MALRD1: variants seen among roughly 807,000 people sequenced by gnomAD.
MALRD1 encodes MAM and LDL receptor class A domain containing 1, also known as MAM and LDL-receptor class A domain-containing protein 1.
Under a neutral mutation model 242.1 loss-of-function variants are expected in MALRD1, and 247 were observed. The observed-to-expected ratio is 1.02, with a 90% CI of 0.92 to 1.13. The LOEUF is 1.13. Among genes scored for constraint, MALRD1 ranks in the 50% most tolerant of loss-of-function variants. MALRD1 has a pLI of 0.00. For missense variants in MALRD1, 2,989 were observed against 2,533.1 expected, an observed-to-expected ratio of 1.18 and a Z score of -3.86; for synonymous variants, 995 against 866.6, an observed-to-expected ratio of 1.15 and a Z score of -2.60.
At chr10:19,321,428 A>T (rs549309189) in intron 21 of MALRD1, among the ~76,000 whole-genome samples, 1 of 152,234 alleles carries the variant, frequency 6.6e-6, no homozygotes, top group African/African-American at 2.4e-5. Context: ...GGAGACAGAG[A>T]TAAGTTATGT....
intron 11 of MALRD1, among the ~76,000 whole-genome samples, chr10:19,153,561 G>A (rs1224086074): frequency 2.0e-5 from 3 of 152,014 alleles, no homozygotes; most frequent in African/African-American, 7.2e-5. Flanking sequence ...GTATGTGGTA[G>A]TGTGCTCCTG....
chr10:19,604,634 C>A (rs1838520665), intron 34 of MALRD1, among the ~76,000 whole-genome samples: 1 of 152,162 alleles, frequency 6.6e-6, no homozygotes, highest in African/African-American at 2.4e-5. Flanking sequence ...CTGCACTGAA[C>A]AACGGATTTT....
intron 28 of MALRD1, among the ~76,000 whole-genome samples, chr10:19,426,618 A>G (rs550137589): frequency 9.2e-5 from 14 of 152,260 alleles, no homozygotes; most frequent in African/African-American, 3.1e-4. Flanking sequence ...CCTGGCCAAC[A>G]TGGTAAAACC....
intron 33 of MALRD1, among the ~76,000 whole-genome samples, chr10:19,575,284 G>A (rs1363326848): frequency 6.6e-6 from 1 of 152,102 alleles, no homozygotes; most frequent in Non-Finnish European, 1.5e-5. Flanking sequence ...TGTGGCATTT[G>A]CCTATTTCTT....
intron 28 of MALRD1, among the ~76,000 whole-genome samples, chr10:19,391,707 A>G (rs913775795): frequency 3.3e-5 from 5 of 152,142 alleles, no homozygotes; most frequent in East Asian, 1.9e-4. Flanking sequence ...GCCTCCCACA[A>G]TGATTCCTTT....
chr10:19,064,087 G>C (rs1425979120), intron 1 of MALRD1, among the ~76,000 whole-genome samples: 3 of 152,024 alleles, frequency 2.0e-5, no homozygotes, highest in African/African-American at 7.2e-5. Context: ...AGATAATTGC[G>C]GCTTCCAAGC....
chr10:19,630,870 C>G (rs1042409340), intron 36 of MALRD1, among the ~76,000 whole-genome samples: 7 of 151,844 alleles, frequency 4.6e-5, no homozygotes, highest in African/African-American at 1.7e-4. Flanking sequence ...GTTTTTATGG[C>G]AAAACATCAT....
At chr10:19,592,763 GCA>G (rs1554808910) in intron 33 of MALRD1, among the ~76,000 whole-genome samples, 20 of 93,308 alleles carry the variant, frequency 2.1e-4, no homozygotes, top group South Asian at 1.3e-3. Context: ...ACACACACAC[GCA>G]CGCACACACA....
intron 29 of MALRD1, among the ~76,000 whole-genome samples, chr10:19,475,935 C>A (rs1040862270): frequency 9.2e-5 from 14 of 152,274 alleles, no homozygotes; most frequent in African/African-American, 3.4e-4. Flanking sequence ...TTTCCTTGAA[C>A]GTGGGATTGT....
intron 25 of MALRD1, among the ~76,000 whole-genome samples, chr10:19,350,337 C>G (rs1588951234): frequency 7.5e-6 from 1 of 132,756 alleles, no homozygotes; most frequent in East Asian, 2.2e-4. Context: ...GTAGTGTGAT[C>G]TCTGCTCACT....
chr10:19,536,255 A>T (rs1002512321), intron 32 of MALRD1, among the ~76,000 whole-genome samples: 14 of 151,936 alleles, frequency 9.2e-5, no homozygotes, highest in African/African-American at 3.1e-4. Flanking sequence ...TGAGTCTCTA[A>T]CTGTACCTTA....
chr10:19,654,279 A>G (rs879643570), intron 36 of MALRD1, among the ~76,000 whole-genome samples: 2 of 149,060 alleles, frequency 1.3e-5, no homozygotes, highest in Non-Finnish European at 2.9e-5. Context: ...AAACAATTTT[A>G]TCAAAAAAGT....
intron 36 of MALRD1, among the ~76,000 whole-genome samples, chr10:19,642,312 T>G (rs1840425012): frequency 6.6e-6 from 1 of 152,086 alleles, no homozygotes. Flanking sequence ...AATTTTAAAA[T>G]TTTTCTTTTT....
At chr10:19,559,298 C>T (rs1233810250) in intron 32 of MALRD1, among the ~76,000 whole-genome samples, 1 of 151,862 alleles carries the variant, frequency 6.6e-6, no homozygotes, top group Non-Finnish European at 1.5e-5. Flanking sequence ...GGTCTTCTCT[C>T]TTTTTTTCTC....
chr10:19,716,805 G>T (rs529813089), intron 38 of MALRD1: 4 of 152,256 alleles, frequency 2.6e-5, no homozygotes, highest in African/African-American at 9.6e-5. Context: ...TTACCTATGT[G>T]TGATTTTGTA....
At chr10:19,445,963 G>T (rs558706332) in intron 28 of MALRD1, among the ~76,000 whole-genome samples, 27 of 152,316 alleles carry the variant, frequency 1.8e-4, no homozygotes, top group African/African-American at 6.5e-4. Context: ...GAGCTTCCTG[G>T]TCGCTTTGTT....
intron 20 of MALRD1, among the ~76,000 whole-genome samples, chr10:19,280,845 T>G (rs1056446574): frequency 1.3e-5 from 2 of 152,222 alleles, no homozygotes; most frequent in Admixed American, 1.3e-4. Context: ...AATCTGTGTC[T>G]TAATGAGCAA....
At chr10:19,692,945 A>G (rs936330180) in intron 38 of MALRD1, among the ~76,000 whole-genome samples, 1 of 150,238 alleles carries the variant, frequency 6.7e-6, no homozygotes, top group African/African-American at 2.5e-5. Flanking sequence ...AATGTAATCC[A>G]GCATATAAAC....
chr10:19,320,258 C>T (rs889299520), intron 21 of MALRD1, among the ~76,000 whole-genome samples: 1 of 151,736 alleles, frequency 6.6e-6, no homozygotes, highest in Non-Finnish European at 1.5e-5. Flanking sequence ...GTGTGATGTT[C>T]CCCTTCCTGT....
Sources: allele counts gnomAD v4.1 joint callset (sites outside exome capture counted in the v4.1 genomes callset), GRCh38; gene constraint gnomAD v4.1.1; transcripts MANE v1.5; gene names NCBI Gene and HGNC (gene_info 2026-07-23, HGNC 2026-07-21).